Variants in TANC2 observed in about 807,000 individuals in gnomAD.
TANC2 encodes the protein protein TANC2.
Under a neutral mutation model 210.5 loss-of-function variants are expected in TANC2, and 26 were observed. The observed-to-expected ratio is 0.12, with a 90% CI of 0.09 to 0.17. TANC2 has a LOEUF of 0.17. Among genes scored for constraint, TANC2 ranks in the 10% least tolerant of loss-of-function variants. The pLI is 1.00. For missense variants in TANC2, 2,129 were observed against 2,608.9 expected, an observed-to-expected ratio of 0.82 and a Z score of 4.01; for synonymous variants, 931 against 967.1, an observed-to-expected ratio of 0.96 and a Z score of 0.69.
At position 63,049,664 on chromosome 17, in the gene TANC2, A is replaced by C. The variant is rs181088538; in HGVS notation, c.68-24279A>C. ...AAGACTTTGACTTTTACTTACAATG[A>C]GAAACCTTTGGAGGGTTTTGAGGAG... On this transcript the variant is annotated intron_variant, in intron 2 of 27. Transcript: ENST00000689528. 3.9e-5 allele frequency among the ~76,000 whole-genome samples: 6 copies of C among 152,320 alleles called. No individual in the cohort carries two copies. In the East Asian group the frequency reaches 1.2e-3, roughly 29 times the overall value.
At chr17:63,168,634 A>G (rs1032827943) in intron 5 of TANC2, among the ~76,000 whole-genome samples, 25 of 152,240 alleles carry the variant, frequency 1.6e-4, no homozygotes, top group African/African-American at 5.8e-4. Context: ...TCTGCAATTC[A>G]ACATATACTT....
At chr17:62,982,666 AG>A (rs2143445012) in intron 1 of TANC2, among the ~76,000 whole-genome samples, 1 of 152,284 alleles carries the variant, frequency 6.6e-6, no homozygotes, top group African/African-American at 2.4e-5. Flanking sequence ...TAATCCCACT[AG>A]GACCTCTAAT....
At chr17:63,132,432 G>A (rs564738535) in intron 4 of TANC2, among the ~76,000 whole-genome samples, 3 of 152,128 alleles carry the variant, frequency 2.0e-5, no homozygotes, top group Admixed American at 6.5e-5. Context: ...GAAGAGTAAG[G>A]CAAACAGTAT....
chr17:63,422,689 G>A (rs1249074704), exon 28 of TANC2: 1 of 152,184 alleles, frequency 6.6e-6, no homozygotes, highest in Non-Finnish European at 1.5e-5. Flanking sequence ...GATGAGAATT[G>A]TGGCTATTAA....
At chr17:63,351,213 T>G in intron 12 of TANC2, 37 bp from the exon 13 acceptor site, 1 of 1,536,968 alleles carries the variant, frequency 6.5e-7, no homozygotes, top group South Asian at 1.2e-5. Flanking sequence ...TTTATCCACT[T>G]GGTAATTATT....
At chr17:62,969,692 AGT>A (rs143764403) in intron 1 of TANC2, among the ~76,000 whole-genome samples, 47,209 of 149,760 alleles carry the variant, frequency 0.32, 9,512 homozygotes, top group African/African-American at 0.59. Flanking sequence ...AGTTTAATAT[AGT>A]GTGTGTGTGT....
At chr17:63,092,268 G>A (rs1265282923) in intron 3 of TANC2, among the ~76,000 whole-genome samples, 5 of 151,950 alleles carry the variant, frequency 3.3e-5, no homozygotes, top group African/African-American at 4.8e-5. Flanking sequence ...TGGGTCATAT[G>A]GTAGGTTTAC....
chr17:63,342,668 C>T (rs1284885976), intron 12 of TANC2, among the ~76,000 whole-genome samples: 6 of 147,152 alleles, frequency 4.1e-5, no homozygotes, highest in South Asian at 2.1e-4. Context: ...CCCAGCTACT[C>T]GGGAGGCTGA....
chr17:63,278,637 A>G (rs2043966867), intron 9 of TANC2, among the ~76,000 whole-genome samples: 1 of 152,166 alleles, frequency 6.6e-6, no homozygotes, highest in South Asian at 2.1e-4. Flanking sequence ...TATTTTTCCA[A>G]AAGAACTGAA....
intron 11 of TANC2, among the ~76,000 whole-genome samples, chr17:63,335,612 C>CA (rs779066987): frequency 0.013 from 1,547 of 117,914 alleles, 16 homozygotes; most frequent in Middle Eastern, 0.034. Flanking sequence ...GACTCTTTCT[C>CA]AAAAAAAAAA....
chr17:63,145,189 C>T (rs540478857), intron 4 of TANC2, among the ~76,000 whole-genome samples: 75 of 152,172 alleles, frequency 4.9e-4, no homozygotes, highest in African/African-American at 1.7e-3. Flanking sequence ...AATAGTTAAT[C>T]AGCACATTAG....
intron 5 of TANC2, among the ~76,000 whole-genome samples, chr17:63,180,265 GT>G (rs536010395): frequency 6.6e-6 from 1 of 152,222 alleles, no homozygotes; most frequent in Non-Finnish European, 1.5e-5. Context: ...GTTGGAATAT[GT>G]TTAACACTCA....
chr17:63,237,798 A>C lies in TANC2; in HGVS notation c.770-16A>C, dbSNP rs1367438491. On this transcript the variant is annotated splice_polypyrimidine_tract_variant and intron_variant, in intron 7 of 27. Transcript: ENST00000689528. ...TATGTGGCTTTATTAAATTCATTTT[A>C]CTCTTTTTTTTTCAGCTACATTAAC... The C allele has an allele frequency of 6.5e-7, 1 of 1,529,636 alleles. No individual in the cohort carries two copies. The highest frequency in any genetic ancestry group is 1.4e-5 in the African/African-American group (1 of 71,344). The allele number at this position is 1,529,636 out of a possible 1,614,324, so 94.8% of individuals were successfully genotyped here. A position where few individuals can be genotyped will look rare whatever the true frequency, so the allele number is the denominator to read the frequency against.
intron 4 of TANC2, among the ~76,000 whole-genome samples, chr17:63,142,124 T>C (rs2039311795): frequency 6.6e-6 from 1 of 152,218 alleles, no homozygotes; most frequent in Non-Finnish European, 1.5e-5. Context: ...AGTCACTTGC[T>C]CCTGTCCCAA....
intron 15 of TANC2, 121 bp downstream of exon 15, chr17:63,379,947 C>A: frequency 1.4e-6 from 1 of 739,530 alleles, no homozygotes; most frequent in Non-Finnish European, 2.2e-6. Context: ...AAACTTGGTT[C>A]ATCTCCCAAC....
chr17:63,235,243 C>A (rs750789575), intron 7 of TANC2, among the ~76,000 whole-genome samples: 1 of 152,054 alleles, frequency 6.6e-6, no homozygotes, highest in Admixed American at 6.6e-5. Flanking sequence ...TCCCCAAAGA[C>A]CAGCCAAAAT....
intron 13 of TANC2, 137 bp downstream of exon 13, chr17:63,351,553 C>G: frequency 3.0e-6 from 2 of 659,268 alleles, no homozygotes; most frequent in Non-Finnish European, 4.5e-6. Flanking sequence ...AAGAATTAAT[C>G]TAATATTTTG....
Position 63,170,331 on chromosome 17 carries a change from A to T in TANC2, c.433+18951A>T, listed in dbSNP as rs2040361283. ...GTGACTGTAGTCCCAGCTACTCGGG[A>T]GGCTCAGGCAGGAGAATGGCGTGAA... On this transcript the variant is annotated intron_variant, in intron 5 of 27. Coordinates refer to ENST00000689528, the Ensembl canonical transcript of TANC2. 2.7e-5 allele frequency among the ~76,000 whole-genome samples: 4 copies of T among 150,884 alleles called. No individual in the cohort carries two copies. The South Asian group carries it at 8.4e-4, about 32-fold the overall frequency.
At chr17:63,338,825 T>G (rs1429552586) in intron 11 of TANC2, 1 of 152,256 alleles carries the variant, frequency 6.6e-6, no homozygotes, top group African/African-American at 2.4e-5. Context: ...GGGGTTTTTT[T>G]ATGTTTAATG....
Sources: gnomAD v4.1 joint callset for allele counts (sites outside exome capture counted in the v4.1 genomes callset) on GRCh38, gnomAD v4.1.1 for gene constraint, MANE v1.5 for transcripts, NCBI Gene and HGNC (gene_info 2026-07-23, HGNC 2026-07-21) for gene names.